The following NFRKB variants were observed in gnomAD, a reference collection of about 807,000 sequenced individuals.
NFRKB encodes nuclear factor related to kappaB binding protein.
A neutral mutation model predicts 135.7 loss-of-function variants in NFRKB; 62 were observed. The observed-to-expected ratio is 0.46, with a 90% CI of 0.37 to 0.56. The LOEUF (loss-of-function observed/expected upper bound fraction) is 0.56. Among genes scored for constraint, NFRKB ranks in the 20% least tolerant of loss-of-function variants. The pLI is 0.00. For synonymous variants in NFRKB, 678 were observed against 635.6 expected (o/e 1.07, Z -1.00); for missense variants, 1,545 against 1,662.0 (o/e 0.93, Z 1.22).
At position 129,875,367 on chromosome 11, in the gene NFRKB, G is replaced by A. The variant is rs769936523; in HGVS notation, c.1844C>T (p.Thr615Ile). 1 of 1,611,740 alleles carries A rather than the reference G, an allele frequency of 6.2e-7. No homozygotes were observed. Among genetic ancestry groups the A allele is most frequent in the Non-Finnish European group, 8.5e-7 (1 of 1,178,798 alleles). ...TCTTCTCCGTCCTACCTGAGTGCTG[G>A]TGACATCTGGTGCAAGAAACTGGGA... ...KDSQFLAPDV[T>I]STQVNTVVSG... Residue 615 changes from threonine to isoleucine, a missense_variant, in exon 18 of 27, where the codon ACC becomes ATC. Transcript: ENST00000682444.
Position 129,878,491 on chromosome 11 carries a change from T to C in NFRKB, c.1437A>G (p.Leu479=), listed in dbSNP as rs770831247. Residue 479 remains leucine (L), a synonymous_variant, in exon 14 of 27, where the codon CTA becomes CTG. Coordinates refer to ENST00000682444, the MANE Select transcript of NFRKB (RefSeq NM_001143835.2). ...TACAGAAGGCCTGATCTTTGGTCTC[T>C]AGCCATAGCTGGAAGAGGGCAGCTA... is the stretch of plus-strand genomic sequence containing the variant. ...KELAALFQLW[L]ETKDQAFCKQ... is the part of the protein sequence containing the mutation. 2 of 1,614,210 alleles carry C rather than the reference T, an allele frequency of 1.2e-6. No homozygotes were observed. The highest frequency in any genetic ancestry group is 1.7e-6 in the Non-Finnish European group (2 of 1,180,010).
At position 129,874,007 on chromosome 11, in the gene NFRKB, A is replaced by T. The variant is rs762095832; in HGVS notation, c.2288T>A (p.Leu763Gln). 2.1e-5 allele frequency: 34 copies of T among 1,612,368 alleles called. No homozygotes were observed. Among genetic ancestry groups the T allele is most frequent in the Non-Finnish European group, 4.2e-6 (5 of 1,179,230 alleles). The part of the protein sequence containing the change: ...EPAKSSSGVL[L>Q]VSSPTMPHLG... ...ATGTGGCATTGTTGGTGAAGACACCAGAAGAACACTATGAAGAACATCGGG... is the reference window on the plus strand; with the variant it reads ...ATGTGGCATTGTTGGTGAAGACACCTGAAGAACACTATGAAGAACATCGGG... Residue 763 changes from leucine (L) to glutamine (Q), a missense_variant, in exon 22 of 27, where the codon CTG becomes CAG. Leu to Gln is a moderately radical substitution (Grantham distance 113, BLOSUM62 -2). Transcript: ENST00000682444. The surrounding 1 kb of genome is among the most constrained non-coding windows in gnomAD (Gnocchi z 4.5).
rs369661641 is a variant in NFRKB at position 129,878,294 on chromosome 11, C to T, written c.1511+15G>A. On this transcript the variant is annotated intron_variant, in intron 15 of 26. Transcript: ENST00000682444. ...TTTCCCAGGACACCACCCACCACTA[C>T]AGTATTGTACTCACACCCGAGGGAC... 4 of 1,613,412 alleles carry T rather than the reference C, an allele frequency of 2.5e-6. No individual in the cohort carries two copies. The African/African-American group carries it at 4.0e-5, about 16-fold the overall frequency.
chr11:129,868,554 C>G (rs555965174), intron 24 of NFRKB, among the ~76,000 whole-genome samples: 1 of 152,144 alleles, frequency 6.6e-6, no homozygotes, highest in Non-Finnish European at 1.5e-5. Context: ...CCCCAAGGCT[C>G]GCACTAGCAC....
intron 24 of NFRKB, 34 bp downstream of exon 24, chr11:129,869,460 A>G: frequency 6.5e-7 from 1 of 1,538,398 alleles, no homozygotes; most frequent in Non-Finnish European, 8.7e-7. Flanking sequence ...GTTTTCTAAA[A>G]AAGAAGGCCT....
rs763052623 is a variant in NFRKB, at chr11:129,865,889, T to G, written c.3626A>C (p.Asn1209Thr). The change falls in exon 25 of 27, where the codon AAC becomes ACC. Residue 1209 changes from asparagine (N) to threonine (T), a missense_variant. Coordinates refer to ENST00000682444, the MANE Select transcript of NFRKB (RefSeq NM_001143835.2). The stretch of plus-strand genomic sequence containing the variant: ...ACATAGTACTTACTTGGCTCCAAGG[T>G]TGCCTTTGATGATGGGGGCTGTGAC... Reference protein sequence around the residue: ...SVVTAPIIKGNLGANLSGLGR... With the variant: ...SVVTAPIIKGTLGANLSGLGR... 1.1e-5 allele frequency: 18 copies of G among 1,614,102 alleles called. No individual in the cohort carries two copies. Among genetic ancestry groups the G allele is most frequent in the Non-Finnish European group, 1.3e-5 (15 of 1,180,014 alleles).
chr11:129,874,273 G>T lies in NFRKB; in HGVS notation c.2119C>A (p.Gln707Lys). 1 of 1,516,614 alleles carries T rather than the reference G, an allele frequency of 6.6e-7. No individual in the cohort carries two copies. The highest frequency in any genetic ancestry group is 8.8e-7 in the Non-Finnish European group (1 of 1,134,624). 93.9% of individuals were successfully genotyped at this position (1,516,614 alleles called of 1,614,324 possible). ...ATACTGGAGTCACTGAGGCTCATCT[G>T]GCTCTGCTCAGAAGGGCCACTGCTA... ...VLSSGPSEQS[Q>K]MSLSDSSMPP... The change falls in exon 21 of 27, where the codon CAG becomes AAG. Residue 707 changes from glutamine (Q) to lysine (K), a missense_variant. Transcript: ENST00000682444. This position sits in a 1 kb window ranked among gnomAD's most constrained non-coding sequence, Gnocchi z 4.5.
At chr11:129,871,468 T>A (rs1245144422) in intron 23 of NFRKB, among the ~76,000 whole-genome samples, 2 of 152,024 alleles carry the variant, frequency 1.3e-5, no homozygotes, top group African/African-American at 4.8e-5. Flanking sequence ...CCGACCACAC[T>A]TTTCTCTGTC....
rs760139009 is a variant in NFRKB at position 129,881,489 on chromosome 11, A to G, written c.1338T>C (p.Ser446=). Residue 446 remains serine, a synonymous_variant, in exon 13 of 27, where the codon TCT becomes TCC. Coordinates refer to ENST00000682444, the MANE Select transcript of NFRKB (RefSeq NM_001143835.2). Reference sequence around the variant, plus strand: ...TTTTCTCTTTGAATTCAACAAATGGAGAGAAACTGGAAGGAACAGCTGCAA... The same window carrying G: ...TTTTCTCTTTGAATTCAACAAATGGGGAGAAACTGGAAGGAACAGCTGCAA... ...GESRAVPSSF[S]PFVEFKEKTQ... 3 of 1,614,154 alleles carry G rather than the reference A, an allele frequency of 1.9e-6. No homozygotes were observed. In the South Asian group the frequency reaches 3.3e-5, roughly 18 times the overall value.
chr11:129,878,325 T>C lies in NFRKB; in HGVS notation c.1495A>G (p.Thr499Ala), dbSNP rs1948868828. The C allele has an allele frequency of 1.2e-6, 2 of 1,614,066 alleles. No individual in the cohort carries two copies. The highest frequency in any genetic ancestry group is 2.7e-5 in the African/African-American group (2 of 74,916). Residue 499 changes from threonine (T) to alanine (A), a missense_variant, in exon 15 of 27, where the codon ACA becomes GCA. Physicochemically the swap from Thr to Ala is moderately conservative, Grantham distance 58. This residue lies in a region of NFRKB where 678 missense variants were observed against 646.7 expected (regional missense o/e 1.05). Coordinates refer to ENST00000682444, the MANE Select transcript of NFRKB (RefSeq NM_001143835.2). ...TGTACTCACACCCGAGGGACAGGTG[T>C]TGTGGCATCTGAGCTGTCTTCATTT... ...QENEDSSDATTPVPRVRTDYV... is the reference protein window; with the variant it reads ...QENEDSSDATAPVPRVRTDYV...
At position 129,888,599 on chromosome 11, in the gene NFRKB, A is replaced by G; in HGVS notation, c.332T>C (p.Phe111Ser). The change falls in exon 4 of 27, where the codon TTC (phenylalanine) becomes TCC (serine). Residue 111 changes from phenylalanine (F) to serine (S), a missense_variant. Coordinates refer to ENST00000682444, the MANE Select transcript of NFRKB (RefSeq NM_001143835.2). ...AAGAATACTGAGCTACAAACCTCGGAAAAGCTTCTGGGCAATGTGCAGAGG... is the reference window on the plus strand; with the variant it reads ...AAGAATACTGAGCTACAAACCTCGGGAAAGCTTCTGGGCAATGTGCAGAGG... ...GNPLHIAQKL[F>S]RDGHFNPEVV... 6.2e-7 allele frequency: 1 copy of G among 1,614,174 alleles called. No homozygotes were observed. Among genetic ancestry groups the G allele is most frequent in the South Asian group, 1.1e-5 (1 of 91,084 alleles).
rs371246088 is a variant in NFRKB at position 129,888,689 on chromosome 11, C to T, written c.242G>A (p.Ser81Asn). 3.1e-6 allele frequency: 5 copies of T among 1,614,100 alleles called. No homozygotes were observed. In the African/African-American group the frequency reaches 6.7e-5, roughly 22 times the overall value. The part of the protein sequence containing the change: ...QQFLPQFPED[S>N]AEQQNELILA... ...GATGAGTTCATTCTGCTGCTCAGCA[C>T]TGTCTTCAGGAAACTGGGGCAGAAA... Residue 81 changes from serine to asparagine, a missense_variant, in exon 4 of 27, where the codon AGT becomes AAT. Ser to Asn is a conservative substitution (Grantham distance 46). Transcript: ENST00000682444.
Position 129,888,618 on chromosome 11 carries a change from G to A in NFRKB, c.313C>T (p.His105Tyr). Reference protein sequence around the residue: ...GENFRFGNPLHIAQKLFRDGH... With the variant: ...GENFRFGNPLYIAQKLFRDGH... ...CCTCGGAAAAGCTTCTGGGCAATGT[G>A]CAGAGGGTTTCCAAAGCGGAAGTTC... Residue 105 changes from histidine (H) to tyrosine (Y), a missense_variant, in exon 4 of 27, where the codon CAC becomes TAC. Transcript: ENST00000682444. The A allele has an allele frequency of 6.2e-7, 1 of 1,614,174 alleles. No homozygotes were observed. The highest frequency in any genetic ancestry group is 2.2e-5 in the East Asian group (1 of 44,882).
chr11:129,881,573 G>C (rs2135662322), intron 12 of NFRKB, 65 bp from the exon 13 acceptor site: 1 of 1,604,586 alleles, frequency 6.2e-7, no homozygotes, highest in Non-Finnish European at 8.5e-7. Flanking sequence ...AACAGCTTTT[G>C]AGTGTTCCAC....
chr11:129,873,699 T>C, intron 22 of NFRKB, 46 bp downstream of exon 22: 1 of 1,595,386 alleles, frequency 6.3e-7, no homozygotes, highest in Non-Finnish European at 8.6e-7. Context: ...AGCCCACCTC[T>C]GGGTCTGCAT....
chr11:129,873,033 G>C lies in NFRKB; in HGVS notation c.2614C>G (p.Pro872Ala), dbSNP rs1206239843. 1.2e-6 allele frequency: 2 copies of C among 1,614,072 alleles called. No individual in the cohort carries two copies. The highest frequency in any genetic ancestry group is 1.7e-6 in the Non-Finnish European group (2 of 1,179,988). Residue 872 changes from proline (P) to alanine (A), a missense_variant, in exon 23 of 27, where the codon CCC (proline) becomes GCC (alanine). Physicochemically the swap from Pro to Ala is conservative, Grantham distance 27. Around this residue, in one of 3 missense-constraint regions of NFRKB, gnomAD observed 753 missense variants for 804.3 expected, o/e 0.94. Transcript: ENST00000682444. ...GTCACCGTGAGCCCTGTCTGCCCGG[G>C]TCCAGGCCGCTGCACAGTGGCTGCC... ...TTAATVQRPG[P>A]GQTGLTVTSL...
In NFRKB at chr11:129,874,396, C is replaced by CCCCTACAGCTCCTGATG; in HGVS notation, c.2059-80_2059-64dup. 2 of 1,531,344 alleles carry CCCCTACAGCTCCTGATG rather than the reference C, an allele frequency of 1.3e-6. No individual in the cohort carries two copies. The highest frequency in any genetic ancestry group is 1.8e-6 in the Non-Finnish European group (2 of 1,141,332). 94.9% of individuals were successfully genotyped at this position (1,531,344 alleles called of 1,614,324 possible). ...GAAGATCCCCCTAAAGGAAGGGACACCCCTACAGCTCCTGATGCCCCACAC... is the reference window on the plus strand; with the variant it reads ...GAAGATCCCCCTAAAGGAAGGGACACCCCTACAGCTCCTGATGCCCTACAGCTCCTGATGCCCCACAC... On this transcript the variant is annotated intron_variant, in intron 20 of 26. Transcript: ENST00000682444. The surrounding 1 kb of genome is among the most constrained non-coding windows in gnomAD (Gnocchi z 4.5).
Position 129,894,696 on chromosome 11 carries a change from G to A in NFRKB, c.-101-258C>T, listed in dbSNP as rs148563166. Among the ~76,000 whole-genome samples, 801 of 152,312 alleles carry A rather than the reference G, an allele frequency of 5.3e-3. 7 individuals are homozygous for A. Among genetic ancestry groups the A allele is most frequent in the African/African-American group, 0.018 (756 of 41,554 alleles). Reference sequence around the variant, plus strand: ...CCCCCTCATCACCCTTCAGCACATGGTGAAATGACATCCTCATCATGCCTA... The same window carrying A: ...CCCCCTCATCACCCTTCAGCACATGATGAAATGACATCCTCATCATGCCTA... On this transcript the variant is annotated intron_variant, in intron 1 of 26. Transcript: ENST00000682444.
intron 23 of NFRKB, chr11:129,872,499 G>T (rs1009238437): frequency 5.8e-6 from 1 of 172,632 alleles, no homozygotes; most frequent in South Asian, 1.4e-4. Context: ...ACGATTCTTT[G>T]AAGTTCGATG....
Sources: allele counts gnomAD v4.1 joint callset (sites outside exome capture counted in the v4.1 genomes callset), GRCh38; gene constraint gnomAD v4.1.1; regional missense constraint gnomAD v4.1.1; non-coding constraint Gnocchi (gnomAD v3.1); transcripts MANE v1.5; gene names NCBI Gene and HGNC (gene_info 2026-07-23, HGNC 2026-07-21).